GRIA1: variants seen among roughly 807,000 people sequenced by gnomAD.
GRIA1 encodes the protein glutamate ionotropic receptor AMPA type subunit 1.
A neutral mutation model predicts 99.2 loss-of-function variants in GRIA1; 31 were observed. That is an observed-to-expected ratio of 0.31 (90% CI 0.23 to 0.42). GRIA1 has a LOEUF of 0.42. GRIA1 is among the 10% of genes least tolerant of loss of function. The pLI, the probability that GRIA1 is intolerant of heterozygous loss-of-function variation, is 1.00. For missense variants in GRIA1, 782 were observed against 1,157.5 expected, an observed-to-expected ratio of 0.68 and a Z score of 4.71; for synonymous variants, 438 against 432.4, an observed-to-expected ratio of 1.01 and a Z score of -0.16.
At chr5:153,701,270 C>T (rs1758496289) in intron 10 of GRIA1, among the ~76,000 whole-genome samples, 1 of 152,116 alleles carries the variant, frequency 6.6e-6, no homozygotes. Context: ...CCTCAGCAGC[C>T]AGGCCTGCCT....
chr5:153,604,315 A>G (rs1765265433), intron 2 of GRIA1, among the ~76,000 whole-genome samples: 1 of 152,224 alleles, frequency 6.6e-6, no homozygotes, highest in Non-Finnish European at 1.5e-5. Context: ...GTTACCTTCA[A>G]GGGTTACAAA....
At chr5:153,573,528 C>G (rs1762293671) in intron 2 of GRIA1, among the ~76,000 whole-genome samples, 1 of 152,022 alleles carries the variant, frequency 6.6e-6, no homozygotes, top group Non-Finnish European at 1.5e-5. Context: ...TGGAAAGATA[C>G]CAAAAGGAGT....
intron 2 of GRIA1, among the ~76,000 whole-genome samples, chr5:153,587,902 G>C (rs1763632538): frequency 6.6e-6 from 1 of 152,148 alleles, no homozygotes; most frequent in African/African-American, 2.4e-5. Context: ...AAATTACCAA[G>C]GGGAGAAGGA....
intron 11 of GRIA1, among the ~76,000 whole-genome samples, chr5:153,746,974 C>T (rs1447750918): frequency 6.6e-6 from 1 of 152,166 alleles, no homozygotes; most frequent in African/African-American, 2.4e-5. Context: ...GATCTGGGCT[C>T]ACATTTCAAC....
Position 153,794,644 on chromosome 5 carries a change from T to G in GRIA1, c.2294T>G (p.Leu765Ter), listed in dbSNP as rs1429266858. 1 of 1,612,676 alleles carries G rather than the reference T, an allele frequency of 6.2e-7. No individual in the cohort carries two copies. Among genetic ancestry groups the G allele is most frequent in the Non-Finnish European group, 8.5e-7 (1 of 1,178,880 alleles). ...AGAAATCCAGTAAACCTGGCAGTGT[T>G]AAAACTGAACGAGCAGGGGCTTTTG... ...ALRNPVNLAV[L>*]KLNEQGLLDK... is the part of the protein sequence containing the mutation. The change falls in exon 14 of 16, where the codon TTA becomes TGA. Residue 765 changes from leucine (L) to a stop codon, truncating the protein, a stop_gained. Coordinates refer to ENST00000285900, the MANE Select transcript of GRIA1 (RefSeq NM_000827.4). LOFTEE classifies it high-confidence loss of function.
At chr5:153,500,907 C>A (rs1260471012) in intron 2 of GRIA1, among the ~76,000 whole-genome samples, 1 of 151,896 alleles carries the variant, frequency 6.6e-6, no homozygotes, top group African/African-American at 2.4e-5. Context: ...TTAGGTATAA[C>A]CTTGGAGAAA....
chr5:153,560,323 C>T (rs1157114212), intron 2 of GRIA1, among the ~76,000 whole-genome samples: 1 of 152,150 alleles, frequency 6.6e-6, no homozygotes, highest in Non-Finnish European at 1.5e-5. Flanking sequence ...ATTGTCATCT[C>T]CTTCTAGATA....
At chr5:153,627,523 G>T (rs891625295) in intron 2 of GRIA1, among the ~76,000 whole-genome samples, 2 of 152,084 alleles carry the variant, frequency 1.3e-5, no homozygotes, top group Non-Finnish European at 2.9e-5. Flanking sequence ...TTTTTCAGAG[G>T]AATCAGTCTT....
chr5:153,706,135 T>TGTTTGTTTG (rs59424051), intron 11 of GRIA1, 68 bp downstream of exon 11: 407 of 1,464,282 alleles, frequency 2.8e-4, no homozygotes, highest in South Asian at 4.6e-4. Context: ...TTTGTTTGTT[T>TGTTTGTTTG]TTTAAATACT....
At chr5:153,588,589 G>A (rs1006684367) in intron 2 of GRIA1, among the ~76,000 whole-genome samples, 3 of 152,172 alleles carry the variant, frequency 2.0e-5, no homozygotes, top group Admixed American at 6.5e-5. Context: ...CTGCCTTTGT[G>A]ACCTAGGACA....
At chr5:153,493,169 T>C (rs1233346154) in intron 1 of GRIA1, among the ~76,000 whole-genome samples, 1 of 152,248 alleles carries the variant, frequency 6.6e-6, no homozygotes, top group African/African-American at 2.4e-5. Context: ...AGAATGTTTG[T>C]ATCCTCTTGA....
At chr5:153,563,774 C>A (rs1336068555) in intron 2 of GRIA1, among the ~76,000 whole-genome samples, 3 of 152,196 alleles carry the variant, frequency 2.0e-5, no homozygotes, top group Non-Finnish European at 4.4e-5. Context: ...TCTTCCCCTT[C>A]AAGGGAAACA....
chr5:153,789,392 G>T (rs943856037), intron 13 of GRIA1, among the ~76,000 whole-genome samples: 11 of 150,538 alleles, frequency 7.3e-5, no homozygotes, highest in Non-Finnish European at 1.2e-4. Context: ...ATGATAATTT[G>T]TATATATATA....
intron 2 of GRIA1, chr5:153,574,208 A>G (rs1421792433): frequency 6.6e-6 from 1 of 152,212 alleles, no homozygotes; most frequent in Non-Finnish European, 1.5e-5. Flanking sequence ...GTGTTACTAT[A>G]GTAATACCTG....
chr5:153,781,899 C>T (rs1409108904), intron 13 of GRIA1, among the ~76,000 whole-genome samples: 1 of 152,130 alleles, frequency 6.6e-6, no homozygotes, highest in Admixed American at 6.5e-5. Context: ...TTCCAAGATT[C>T]ATCATCTAGA....
intron 13 of GRIA1, among the ~76,000 whole-genome samples, chr5:153,792,418 C>A (rs1460927027): frequency 2.6e-5 from 4 of 152,166 alleles, no homozygotes; most frequent in South Asian, 4.1e-4. Flanking sequence ...ACCTTGGGAA[C>A]CCCAACCTTT....
chr5:153,557,440 A>C (rs1446727954), intron 2 of GRIA1, among the ~76,000 whole-genome samples: 1 of 152,106 alleles, frequency 6.6e-6, no homozygotes, highest in East Asian at 1.9e-4. Context: ...AATTTCTTTA[A>C]CAATAAAGTG....
At position 153,566,756 on chromosome 5, in the gene GRIA1, G is replaced by A. The variant is rs1475232277; in HGVS notation, c.220+72691G>A. Among the ~76,000 whole-genome samples the A allele has an allele frequency of 7.1e-5, 8 of 112,674 alleles. 1 individual carries two copies. The highest frequency in any genetic ancestry group is 2.8e-4 in the East Asian group (1 of 3,632). The allele number at this position is 112,674 out of a possible 152,430, so 73.9% of individuals were successfully genotyped here. On this transcript the variant is annotated intron_variant, in intron 2 of 15. Transcript: ENST00000285900. ...TTTGAGACGGAGTTTTGCTCTTGTCGCCCAGGTTGGAGTGCAATGGCACAA... is the reference window on the plus strand; with the variant it reads ...TTTGAGACGGAGTTTTGCTCTTGTCACCCAGGTTGGAGTGCAATGGCACAA...
At chr5:153,804,163 G>A (rs1372209865) in intron 15 of GRIA1, among the ~76,000 whole-genome samples, 1 of 152,108 alleles carries the variant, frequency 6.6e-6, no homozygotes, top group African/African-American at 2.4e-5. Flanking sequence ...AACAATTAAG[G>A]AATGGAAGTT....
Sources: gnomAD v4.1 joint callset for allele counts (sites outside exome capture counted in the v4.1 genomes callset) on GRCh38, gnomAD v4.1.1 for gene constraint, MANE v1.5 for transcripts, NCBI Gene and HGNC (gene_info 2026-07-23, HGNC 2026-07-21) for gene names.